Variants in PRKAG2 observed in about 807,000 individuals in gnomAD.
PRKAG2 encodes 5'-AMP-activated protein kinase subunit gamma-2.
Under a neutral mutation model 69.6 loss-of-function variants are expected in PRKAG2, and 26 were observed. The observed-to-expected ratio is 0.37, with a 90% confidence interval of 0.27 to 0.52. The LOEUF (loss-of-function observed/expected upper bound fraction) is 0.52, where lower values mean the gene tolerates loss of function less well. Among genes scored for constraint, PRKAG2 ranks in the 20% least tolerant of loss-of-function variants. PRKAG2 has a pLI of 0.90. For synonymous variants in PRKAG2, 293 were observed against 285.0 expected (o/e 1.03, Z -0.28); for missense variants, 557 against 740.0 (o/e 0.75, Z 2.87).
intron 1 of PRKAG2, among the ~76,000 whole-genome samples, chr7:151,831,325 G>A (rs1307748699): frequency 1.3e-5 from 2 of 152,066 alleles, no homozygotes; most frequent in African/African-American, 4.8e-5. Flanking sequence ...GCCAAAAGGT[G>A]GAAACAACCC....
intron 3 of PRKAG2, among the ~76,000 whole-genome samples, chr7:151,716,948 A>G (rs1796278810): frequency 6.6e-6 from 1 of 152,286 alleles, no homozygotes; most frequent in Non-Finnish European, 1.5e-5. Flanking sequence ...CGAGGCAACA[A>G]AAGAGGGAAA....
At chr7:151,711,725 G>C (rs1795352660) in intron 3 of PRKAG2, among the ~76,000 whole-genome samples, 1 of 152,210 alleles carries the variant, frequency 6.6e-6, no homozygotes, top group Non-Finnish European at 1.5e-5. Flanking sequence ...GAAGGAACGA[G>C]GAAGAGAACA....
Position 151,807,128 on chromosome 7 carries a change from A to G in PRKAG2, c.115-20587T>C, listed in dbSNP as rs2078151354. 1 of 379,150 alleles carries G rather than the reference A, an allele frequency of 2.6e-6. No homozygotes were observed. The highest frequency in any genetic ancestry group is 2.0e-5 in the South Asian group (1 of 49,760). 23.5% of individuals were successfully genotyped at this position (379,150 alleles called of 1,614,324 possible). ...AGAGGGACCTTGTGGAGTGGTGGAAATGTTCCAGATCACACTGTGGCGGTG... is the reference window on the plus strand; with the variant it reads ...AGAGGGACCTTGTGGAGTGGTGGAAGTGTTCCAGATCACACTGTGGCGGTG... On this transcript the variant is annotated intron_variant, in intron 1 of 15. Transcript: ENST00000287878. The surrounding 1 kb of genome is among the most constrained non-coding windows in gnomAD (Gnocchi z 4.4).
chr7:151,762,611 G>A (rs2075485232), intron 3 of PRKAG2, among the ~76,000 whole-genome samples: 1 of 152,156 alleles, frequency 6.6e-6, no homozygotes, highest in South Asian at 2.1e-4. Flanking sequence ...CTGTGTTTGG[G>A]GCAGACTAGC....
chr7:151,632,622 G>A lies in PRKAG2; in HGVS notation c.685-484C>T. ...GCAGGCTCCACCTGCGCAGGTGTGG[G>A]CTCCGCGGCGCGGGGAGGGGGAGAG... On this transcript the variant is annotated intron_variant, in intron 4 of 15. Transcript: ENST00000287878. This position sits in a 1 kb window ranked among gnomAD's most constrained non-coding sequence, Gnocchi z 4.2. The A allele has an allele frequency of 1.0e-6, 1 of 984,646 alleles. No individual in the cohort carries two copies. The highest frequency in any genetic ancestry group is 1.2e-6 in the Non-Finnish European group (1 of 829,364). 61.0% of individuals were successfully genotyped at this position (984,646 alleles called of 1,614,324 possible).
chr7:151,867,874 C>T (rs1437793778), intron 1 of PRKAG2, among the ~76,000 whole-genome samples: 1 of 152,226 alleles, frequency 6.6e-6, no homozygotes, highest in Admixed American at 6.5e-5. Context: ...CACCCTGTTG[C>T]ATCCTTCTTC....
intron 3 of PRKAG2, among the ~76,000 whole-genome samples, chr7:151,754,786 T>A (rs2074963175): frequency 6.7e-6 from 1 of 149,812 alleles, no homozygotes; most frequent in Non-Finnish European, 1.5e-5. Context: ...CACTTCGAGC[T>A]GCACCTCACT....
chr7:151,775,475 C>T (rs531847714), intron 3 of PRKAG2, among the ~76,000 whole-genome samples: 4 of 152,162 alleles, frequency 2.6e-5, no homozygotes, highest in Non-Finnish European at 4.4e-5. Context: ...TTTGGAATTC[C>T]GTAAATGCCC....
At chr7:151,678,049 G>T (rs1833234054) in intron 3 of PRKAG2, among the ~76,000 whole-genome samples, 1 of 152,114 alleles carries the variant, frequency 6.6e-6, no homozygotes, top group South Asian at 2.1e-4. Flanking sequence ...ACTCTCCCCA[G>T]GCATCTCTGC....
intron 6 of PRKAG2, among the ~76,000 whole-genome samples, chr7:151,584,152 G>T (rs1172553734): frequency 6.6e-6 from 1 of 152,154 alleles, no homozygotes; most frequent in Admixed American, 6.5e-5. Flanking sequence ...CATCTTCCAT[G>T]CCCCTCCAAG....
At chr7:151,849,749 G>A (rs558243244) in intron 1 of PRKAG2, among the ~76,000 whole-genome samples, 55 of 152,220 alleles carry the variant, frequency 3.6e-4, no homozygotes, top group African/African-American at 1.1e-3. Context: ...TGCTCCCCAC[G>A]GGCCTGTGTC....
chr7:151,867,162 A>G (rs2080100379), intron 1 of PRKAG2, among the ~76,000 whole-genome samples: 1 of 152,178 alleles, frequency 6.6e-6, no homozygotes, highest in African/African-American at 2.4e-5. Context: ...AGGCCATGCC[A>G]TGGAGCCCCT....
chr7:151,576,036 C>T (rs1808853734), intron 7 of PRKAG2: 2 of 307,158 alleles, frequency 6.5e-6, no homozygotes, highest in Admixed American at 4.8e-5. Context: ...GGCTGGAGTA[C>T]AGTGCAGCGA....
rs1395290308 is a variant in PRKAG2, at chr7:151,614,939, G to A, written c.754+17130C>T. On this transcript the variant is annotated intron_variant, in intron 5 of 15. Coordinates refer to ENST00000287878, the MANE Select transcript of PRKAG2 (RefSeq NM_016203.4). The surrounding 1 kb of genome is among the most constrained non-coding windows in gnomAD (Gnocchi z 4.4). ...TCGAGAGAGGAGCCGTGTGGATCTAGAGGGAACCTCGAGAGAGGAGCCGTA... is the reference window on the plus strand; with the variant it reads ...TCGAGAGAGGAGCCGTGTGGATCTAAAGGGAACCTCGAGAGAGGAGCCGTA... 6.6e-6 allele frequency among the ~76,000 whole-genome samples: 1 copy of A among 152,220 alleles called. No homozygotes were observed. The highest frequency in any genetic ancestry group is 1.5e-5 in the Non-Finnish European group (1 of 68,032).
At chr7:151,854,690 C>T (rs1057143118) in intron 1 of PRKAG2, among the ~76,000 whole-genome samples, 1 of 152,234 alleles carries the variant, frequency 6.6e-6, no homozygotes, top group Non-Finnish European at 1.5e-5. Context: ...CTGGCTCCCA[C>T]TCCTTGAGCT....
intron 4 of PRKAG2, among the ~76,000 whole-genome samples, chr7:151,658,017 G>C (rs537004560): frequency 1.7e-4 from 26 of 151,914 alleles, no homozygotes; most frequent in African/African-American, 6.3e-4. Flanking sequence ...AATTAGCTGG[G>C]CATGGTGGCG....
intron 5 of PRKAG2, among the ~76,000 whole-genome samples, chr7:151,597,160 A>T (rs1188094760): frequency 6.6e-6 from 1 of 152,250 alleles, no homozygotes; most frequent in Admixed American, 6.5e-5. Context: ...AGGTTCCAAG[A>T]ATACACACCG....
chr7:151,799,007 A>G (rs1319275280), intron 1 of PRKAG2, among the ~76,000 whole-genome samples: 1 of 151,662 alleles, frequency 6.6e-6, no homozygotes, highest in African/African-American at 2.4e-5. Flanking sequence ...CAGCAATTAC[A>G]CCTTTGGGGA....
chr7:151,732,139 T>C (rs934921361), intron 3 of PRKAG2, among the ~76,000 whole-genome samples: 1 of 147,212 alleles, frequency 6.8e-6, no homozygotes, highest in African/African-American at 2.5e-5. Flanking sequence ...CTGGCTTTTT[T>C]TTTTTTTTTT....
Sources: allele counts gnomAD v4.1 joint callset (sites outside exome capture counted in the v4.1 genomes callset), GRCh38; gene constraint gnomAD v4.1.1; non-coding constraint Gnocchi (gnomAD v3.1); transcripts MANE v1.5; gene names NCBI Gene and HGNC (gene_info 2026-07-23, HGNC 2026-07-21).